The following ACSS3 variants were observed in gnomAD, a reference collection of about 807,000 sequenced individuals.
ACSS3 encodes acyl-CoA synthetase short-chain family member 3, mitochondrial.
Under a neutral mutation model 84.2 loss-of-function variants are expected in ACSS3, and 64 were observed. The ratio of observed to expected loss-of-function variants is 0.76; its 90% CI spans 0.62 to 0.94. ACSS3 has a LOEUF of 0.94. Among genes scored for constraint, ACSS3 ranks in the 40% least tolerant of loss-of-function variants. ACSS3 has a pLI of 0.00. For missense variants in ACSS3, 815 were observed against 867.6 expected, an observed-to-expected ratio of 0.94 and a Z score of 0.76; for synonymous variants, 317 against 310.1, an observed-to-expected ratio of 1.02 and a Z score of -0.23.
intron 9 of ACSS3, among the ~76,000 whole-genome samples, chr12:81,210,473 A>G (rs2032548410): frequency 6.6e-6 from 1 of 152,222 alleles, no homozygotes; most frequent in African/African-American, 2.4e-5. Flanking sequence ...CAACAGCAAT[A>G]TATTCCACAA....
chr12:81,256,519 C>T lies in ACSS3; in HGVS notation c.*1597C>T, dbSNP rs151302573. Reference sequence around the variant, plus strand: ...CATTTTAACCCAAAAGTATACCATGCTCATTGTATCTTTGATCGTTCTTCA... The same window carrying T: ...CATTTTAACCCAAAAGTATACCATGTTCATTGTATCTTTGATCGTTCTTCA... On this transcript the variant is annotated 3_prime_UTR_variant, in exon 16 of 16. Coordinates refer to ENST00000548058, the MANE Select transcript of ACSS3 (RefSeq NM_024560.4). 3 of 152,208 alleles carry T rather than the reference C, an allele frequency of 2.0e-5. No individual in the cohort carries two copies. The highest frequency in any genetic ancestry group is 1.9e-4 in the East Asian group (1 of 5,174). The allele number at this position is 152,208 out of a possible 1,614,324, so 9.4% of individuals were successfully genotyped here.
intron 1 of ACSS3, among the ~76,000 whole-genome samples, chr12:81,078,780 C>A (rs1361908285): frequency 6.6e-6 from 1 of 152,034 alleles, no homozygotes; most frequent in East Asian, 1.9e-4. Context: ...ACAAAGCAAG[C>A]GGTACAAGAA....
intron 8 of ACSS3, among the ~76,000 whole-genome samples, chr12:81,185,096 T>C (rs1364328055): frequency 6.6e-6 from 1 of 151,810 alleles, no homozygotes; most frequent in Non-Finnish European, 1.5e-5. Flanking sequence ...ATCAGTGTGA[T>C]ACATCACATT....
At chr12:81,217,671 C>T (rs1055744328) in intron 10 of ACSS3, among the ~76,000 whole-genome samples, 5 of 151,898 alleles carry the variant, frequency 3.3e-5, no homozygotes, top group Non-Finnish European at 7.4e-5. Flanking sequence ...GGTGAAACCT[C>T]GTCTCTACTA....
intron 5 of ACSS3, among the ~76,000 whole-genome samples, chr12:81,146,900 AG>A (rs1199307984): frequency 6.6e-6 from 1 of 152,162 alleles, no homozygotes; most frequent in East Asian, 1.9e-4. Context: ...AAAAGAGAAC[AG>A]GGGGAAAGAA....
At chr12:81,114,606 C>A (rs1883883758) in intron 2 of ACSS3, among the ~76,000 whole-genome samples, 1 of 151,716 alleles carries the variant, frequency 6.6e-6, no homozygotes, top group African/African-American at 2.4e-5. Flanking sequence ...CCTAAATAAA[C>A]AATAAAACCT....
At chr12:81,087,236 C>T (rs1054018750) in intron 1 of ACSS3, among the ~76,000 whole-genome samples, 12 of 152,124 alleles carry the variant, frequency 7.9e-5, no homozygotes, top group African/African-American at 2.6e-4. Flanking sequence ...GTCTGTAGGT[C>T]TTTGACTTAT....
At chr12:81,207,486 C>G (rs1459493605) in intron 9 of ACSS3, among the ~76,000 whole-genome samples, 2 of 152,138 alleles carry the variant, frequency 1.3e-5, no homozygotes, top group Admixed American at 1.3e-4. Flanking sequence ...TTCCTCAGGA[C>G]TAATTGAAAG....
intron 8 of ACSS3, among the ~76,000 whole-genome samples, chr12:81,177,469 G>A (rs35166008): frequency 0.31 from 46,729 of 151,764 alleles, 8,789 homozygotes; most frequent in Middle Eastern, 0.43. Flanking sequence ...AAAGTTTCAA[G>A]ATCCAAAATC....
At position 81,255,665 on chromosome 12, in the gene ACSS3, C is replaced by T. The variant is rs984676334; in HGVS notation, c.*743C>T. 1 of 151,946 alleles carries T rather than the reference C, an allele frequency of 6.6e-6. No homozygotes were observed. The highest frequency in any genetic ancestry group is 2.4e-5 in the African/African-American group (1 of 41,352). The allele number at this position is 151,946 out of a possible 1,614,324, so 9.4% of individuals were successfully genotyped here. On this transcript the variant is annotated 3_prime_UTR_variant, in exon 16 of 16. Coordinates refer to ENST00000548058, the MANE Select transcript of ACSS3 (RefSeq NM_024560.4). ...TGAAACCCTGTAGCTACTGAAAATA[C>T]AAAAATAAGCCAGGCGTGGTGGCGG... is the stretch of plus-strand genomic sequence containing the variant.
At chr12:81,243,770 T>C (rs894996192) in intron 13 of ACSS3, among the ~76,000 whole-genome samples, 7 of 152,214 alleles carry the variant, frequency 4.6e-5, no homozygotes, top group African/African-American at 1.7e-4. Flanking sequence ...CTTGTAGCTC[T>C]TGTATCACTG....
chr12:81,146,521 C>T (rs1886349079), intron 5 of ACSS3, among the ~76,000 whole-genome samples: 1 of 152,242 alleles, frequency 6.6e-6, no homozygotes, highest in South Asian at 2.1e-4. Context: ...ATATAAAACA[C>T]ACATAAGGCA....
intron 9 of ACSS3, among the ~76,000 whole-genome samples, chr12:81,213,880 C>G (rs1278120481): frequency 1.6e-5 from 2 of 124,632 alleles, no homozygotes; most frequent in Non-Finnish European, 3.5e-5. Context: ...TTCTTTCTTT[C>G]TTTCCTTTCT....
intron 11 of ACSS3, 146 bp from the exon 12 acceptor site, chr12:81,230,911 A>C: frequency 1.5e-6 from 1 of 664,184 alleles, no homozygotes; most frequent in Non-Finnish European, 2.6e-6. Flanking sequence ...TCTGTTAGAC[A>C]TGATCTGTCC....
rs1395315819 is a variant in ACSS3, at chr12:81,258,662, G to A, written c.*3740G>A. 1.3e-5 allele frequency: 2 copies of A among 151,972 alleles called. No individual in the cohort carries two copies. Among genetic ancestry groups the A allele is most frequent in the East Asian group, 1.9e-4 (1 of 5,172 alleles). 9.4% of individuals were successfully genotyped at this position (151,972 alleles called of 1,614,324 possible). Reference sequence around the variant, plus strand: ...AGGGAAGTCGCAACAAGGCCATCTCGGCTAAAAGCTTATAACATTAGACAT... The same window carrying A: ...AGGGAAGTCGCAACAAGGCCATCTCAGCTAAAAGCTTATAACATTAGACAT... On this transcript the variant is annotated 3_prime_UTR_variant, in exon 16 of 16. Coordinates refer to ENST00000548058, the MANE Select transcript of ACSS3 (RefSeq NM_024560.4).
At chr12:81,169,099 C>T (rs967436473) in intron 7 of ACSS3, among the ~76,000 whole-genome samples, 26 of 152,096 alleles carry the variant, frequency 1.7e-4, no homozygotes, top group African/African-American at 6.0e-4. Context: ...AGAAGTTCTA[C>T]TGTATATTTA....
At chr12:81,132,909 T>C (rs1279726820) in intron 2 of ACSS3, among the ~76,000 whole-genome samples, 1 of 152,166 alleles carries the variant, frequency 6.6e-6, no homozygotes, top group African/African-American at 2.4e-5. Flanking sequence ...ATGGTCACTT[T>C]CTGCAGGGGT....
intron 8 of ACSS3, among the ~76,000 whole-genome samples, chr12:81,183,585 G>A (rs765990371): frequency 1.2e-4 from 18 of 152,048 alleles, no homozygotes; most frequent in Non-Finnish European, 2.6e-4. Context: ...CATGAAGGCT[G>A]AAAGTAAAAA....
Position 81,078,203 on chromosome 12 carries a change from G to T in ACSS3, c.83G>T (p.Arg28Leu), listed in dbSNP as rs775472956. Residue 28 changes from arginine to leucine, a missense_variant, in exon 1 of 16, where the codon CGG becomes CTG. Arg to Leu is a moderately radical substitution (Grantham distance 102). Transcript: ENST00000548058. ...CCCTTGCCTGGGTCCTCTCCGGCCCGGGGAGCCGGTGCGGCCCTCAGGGCT... is the reference window on the plus strand; with the variant it reads ...CCCTTGCCTGGGTCCTCTCCGGCCCTGGGAGCCGGTGCGGCCCTCAGGGCT... ...GGPLPGSSPA[R>L]GAGAALRALV... The T allele has an allele frequency of 3.2e-5, 50 of 1,565,702 alleles. No individual in the cohort carries two copies. The highest frequency in any genetic ancestry group is 3.8e-5 in the Non-Finnish European group (44 of 1,159,440).
Sources: gnomAD v4.1 joint callset for allele counts (sites outside exome capture counted in the v4.1 genomes callset) on GRCh38, gnomAD v4.1.1 for gene constraint, MANE v1.5 for transcripts, NCBI Gene and HGNC (gene_info 2026-07-23, HGNC 2026-07-21) for gene names.